The following CNGB3 variants were observed in gnomAD, a reference collection of about 807,000 sequenced individuals.
The protein encoded by CNGB3 is cyclic nucleotide-gated channel beta-3.
In CNGB3, 86 loss-of-function variants were observed where a neutral mutation model predicts 92.8. That is an observed-to-expected ratio of 0.93 (90% confidence interval 0.78 to 1.11). The LOEUF (loss-of-function observed/expected upper bound fraction) is 1.11. Ranked by LOEUF, CNGB3 falls within the 50% of genes least tolerant of loss-of-function variation. The pLI is 0.00. For synonymous variants in CNGB3, 333 were observed against 332.7 expected, an observed-to-expected ratio of 1.00 and a Z score of -0.01; for missense variants, 1,026 against 956.8, an observed-to-expected ratio of 1.07 and a Z score of -0.95.
intron 3 of CNGB3, among the ~76,000 whole-genome samples, chr8:86,686,072 C>T (rs1165660854): frequency 6.6e-6 from 1 of 152,024 alleles, no homozygotes; most frequent in East Asian, 1.9e-4. Flanking sequence ...AAAAGAAGAA[C>T]ACCATATGGT....
At chr8:86,591,788 T>C (rs1822044275) in intron 15 of CNGB3, among the ~76,000 whole-genome samples, 1 of 152,142 alleles carries the variant, frequency 6.6e-6, no homozygotes, top group Admixed American at 6.5e-5. Context: ...TACTGCTGTC[T>C]TTTTGTTTGT....
chr8:86,622,091 A>G (rs551166821), intron 13 of CNGB3, among the ~76,000 whole-genome samples: 1 of 152,324 alleles, frequency 6.6e-6, no homozygotes, highest in Admixed American at 6.5e-5. Context: ...TCCAACTCCA[A>G]GTTGCTGCAA....
Position 86,629,096 on chromosome 8 carries a change from G to C in CNGB3, c.1321-18C>G, listed in dbSNP as rs373598719. ...TCTCTCATCTAAAACCACAAATATG[G>C]TCACTCCACGCCCAGCAGAGGAAAT... On this transcript the variant is annotated intron_variant, in intron 11 of 17. Coordinates refer to ENST00000320005, the MANE Select transcript of CNGB3 (RefSeq NM_019098.5). The C allele has an allele frequency of 3.7e-6, 6 of 1,613,630 alleles. No individual in the cohort carries two copies. In the African/African-American group the frequency reaches 8.0e-5, roughly 22 times the overall value.
chr8:86,625,243 C>T (rs1458558867), intron 13 of CNGB3, among the ~76,000 whole-genome samples: 3 of 152,060 alleles, frequency 2.0e-5, no homozygotes, highest in Non-Finnish European at 2.9e-5. Flanking sequence ...ATTTTTCATT[C>T]CCTTCTTCTG....
In CNGB3 at chr8:86,575,078, T is replaced by C. The variant is rs1821634427; in HGVS notation, c.*726A>G. On this transcript the variant is annotated 3_prime_UTR_variant, in exon 18 of 18. Transcript: ENST00000320005. Reference sequence around the variant, plus strand: ...GATGAGTTAGGTAGATTGGTGTCTTTTAAGTTGGTTAGAAGAGAAAATATT... The same window carrying C: ...GATGAGTTAGGTAGATTGGTGTCTTCTAAGTTGGTTAGAAGAGAAAATATT... The C allele has an allele frequency of 6.6e-6, 1 of 152,160 alleles. No individual in the cohort carries two copies. The highest frequency in any genetic ancestry group is 1.5e-5 in the Non-Finnish European group (1 of 68,032). The allele number at this position is 152,160 out of a possible 1,614,324, so 9.4% of individuals were successfully genotyped here. A position where few individuals can be genotyped will look rare whatever the true frequency, so the allele number is the denominator to read the frequency against.
Position 86,604,162 on chromosome 8 carries a change from A to T in CNGB3, c.1712T>A (p.Val571Asp). Residue 571 changes from valine to aspartate, a missense_variant, in exon 15 of 18, where the codon GTT becomes GAT. By Grantham distance (152) the Val-to-Asp change is radical. Transcript: ENST00000320005. ...TTTAGTACCATCAGGGCCTCCAAGAACTTGGACTTCTCCATGCTTGATGAT... is the reference window on the plus strand; with the variant it reads ...TTTAGTACCATCAGGGCCTCCAAGATCTTGGACTTCTCCATGCTTGATGAT... ...MYIIKHGEVQ[V>D]LGGPDGTKVL... 1 of 1,613,722 alleles carries T rather than the reference A, an allele frequency of 6.2e-7. No individual in the cohort carries two copies. The highest frequency in any genetic ancestry group is 8.5e-7 in the Non-Finnish European group (1 of 1,179,690).
At chr8:86,710,927 T>G (rs1824738228) in intron 3 of CNGB3, among the ~76,000 whole-genome samples, 1 of 152,230 alleles carries the variant, frequency 6.6e-6, no homozygotes, top group Non-Finnish European at 1.5e-5. Flanking sequence ...ATAATGAAAT[T>G]ACCTGGTTTG....
intron 3 of CNGB3, among the ~76,000 whole-genome samples, chr8:86,681,466 A>G (rs903293777): frequency 7.2e-5 from 11 of 152,184 alleles, no homozygotes; most frequent in Non-Finnish European, 1.5e-4. Flanking sequence ...TAAGAAAAGC[A>G]TATGGAGAAT....
chr8:86,667,021 G>A lies in CNGB3; in HGVS notation c.756C>T (p.Tyr252=). ...CACATATGATGTCCGCAATAAGCCA[G>A]TAGTGTATGTTGTCTGCGGTTTGAT... ...FPYQTADNIH[Y]WLIADIICDI... is the part of the protein sequence containing the mutation. Residue 252 remains tyrosine (Y), a synonymous_variant, in exon 6 of 18, where the codon TAC becomes TAT. Transcript: ENST00000320005. 1.2e-6 allele frequency: 2 copies of A among 1,614,038 alleles called. No individual in the cohort carries two copies. Among genetic ancestry groups the A allele is most frequent in the African/African-American group, 1.3e-5 (1 of 75,056 alleles).
At chr8:86,588,946 C>T (rs1455774023) in intron 15 of CNGB3, among the ~76,000 whole-genome samples, 6 of 152,010 alleles carry the variant, frequency 3.9e-5, no homozygotes, top group East Asian at 3.9e-4. Context: ...TGGTAGAATT[C>T]GGCTGTGAAT....
At chr8:86,641,078 G>T (rs1162854240) in intron 10 of CNGB3, among the ~76,000 whole-genome samples, 1 of 152,008 alleles carries the variant, frequency 6.6e-6, no homozygotes, top group Non-Finnish European at 1.5e-5. Context: ...AGATGGCGAT[G>T]AAAGTGAACT....
chr8:86,615,576 C>G (rs1822603269), intron 13 of CNGB3, among the ~76,000 whole-genome samples: 1 of 151,982 alleles, frequency 6.6e-6, no homozygotes, highest in Non-Finnish European at 1.5e-5. Flanking sequence ...ACTCTCTAGC[C>G]TGGGTGACAG....
At chr8:86,741,527 G>C (rs936763980) in intron 1 of CNGB3, among the ~76,000 whole-genome samples, 22 of 152,078 alleles carry the variant, frequency 1.4e-4, no homozygotes, top group African/African-American at 4.8e-4. Context: ...TGAGCTGGGT[G>C]TGGTGGCATG....
chr8:86,599,638 A>G (rs924476572), intron 15 of CNGB3, among the ~76,000 whole-genome samples: 1 of 152,176 alleles, frequency 6.6e-6, no homozygotes, highest in Non-Finnish European at 1.5e-5. Context: ...GCTGTCTTTT[A>G]CGGTCGCAGC....
At chr8:86,621,377 A>G (rs553503965) in intron 13 of CNGB3, among the ~76,000 whole-genome samples, 1 of 152,344 alleles carries the variant, frequency 6.6e-6, no homozygotes, top group Non-Finnish European at 1.5e-5. Flanking sequence ...TGTATATGTG[A>G]TTTTAAAAAT....
At chr8:86,708,563 ATTTTTTT>A (rs10714055) in intron 3 of CNGB3, among the ~76,000 whole-genome samples, 1 of 85,908 alleles carries the variant, frequency 1.2e-5, no homozygotes, top group East Asian at 3.3e-4. Flanking sequence ...TCTTTTCTTA[ATTTTTTT>A]TTTTTTTTTT....
chr8:86,733,667 A>G lies in CNGB3; in HGVS notation c.211+5988T>C, dbSNP rs547692654. On this transcript the variant is annotated intron_variant, in intron 2 of 17. Transcript: ENST00000320005. ...ATAGTAGTACTTCCTATGCATGTCAATCAAACTGGTTGGTCGTACACGGTA... is the reference window on the plus strand; with the variant it reads ...ATAGTAGTACTTCCTATGCATGTCAGTCAAACTGGTTGGTCGTACACGGTA... Among the ~76,000 whole-genome samples, 209 of 152,346 alleles carry G rather than the reference A, an allele frequency of 1.4e-3. 1 individual carries two copies. Among genetic ancestry groups the G allele is most frequent in the African/African-American group, 4.8e-3 (201 of 41,584 alleles).
intron 10 of CNGB3, among the ~76,000 whole-genome samples, chr8:86,639,499 T>C (rs983030424): frequency 6.6e-6 from 1 of 152,094 alleles, no homozygotes; most frequent in Non-Finnish European, 1.5e-5. Context: ...TTCACAGTGT[T>C]CCATTTATGC....
At chr8:86,671,359 T>C (rs780700867) in intron 3 of CNGB3, among the ~76,000 whole-genome samples, 1 of 152,206 alleles carries the variant, frequency 6.6e-6, no homozygotes, top group Non-Finnish European at 1.5e-5. Context: ...ATTCTGTTAT[T>C]ACATTGTATC....
Sources: gnomAD v4.1 joint callset for allele counts (sites outside exome capture counted in the v4.1 genomes callset) on GRCh38, gnomAD v4.1.1 for gene constraint, MANE v1.5 for transcripts, NCBI Gene and HGNC (gene_info 2026-07-23, HGNC 2026-07-21) for gene names.